The following RBM6 variants were observed in gnomAD, a reference collection of about 807,000 sequenced individuals.
The protein encoded by RBM6 is RNA binding motif protein 6.
In RBM6, 23 loss-of-function variants were observed where a neutral mutation model predicts 140.4. That is an observed-to-expected ratio of 0.16 (90% CI 0.12 to 0.23). The LOEUF (loss-of-function observed/expected upper bound fraction) is 0.23, where lower values mean the gene tolerates loss of function less well. Ranked by LOEUF, RBM6 falls within the 10% of genes least tolerant of loss-of-function variation. RBM6 has a pLI of 1.00. For synonymous variants in RBM6, 439 were observed against 475.6 expected (o/e 0.92, Z 1.00); for missense variants, 1,139 against 1,386.7 (o/e 0.82, Z 2.84).
rs903255625 is a variant in RBM6, at chr3:50,006,715, G to A, written c.1557+7202G>A. ...TGGGAGGCCAAGACGGGCGGATCAC[G>A]AGGTCAGGAGATGGAGACCATCCTG... On this transcript the variant is annotated intron_variant, in intron 6 of 20. Coordinates refer to ENST00000266022, the MANE Select transcript of RBM6 (RefSeq NM_005777.3). 2.0e-5 allele frequency among the ~76,000 whole-genome samples: 3 copies of A among 151,672 alleles called. No homozygotes were observed. In the East Asian group the frequency reaches 5.9e-4, roughly 30 times the overall value.
At chr3:49,999,571 A>T in intron 6 of RBM6, 58 bp downstream of exon 6, 2 of 1,376,116 alleles carry the variant, frequency 1.5e-6, no homozygotes, top group Non-Finnish European at 2.1e-6. Flanking sequence ...ATATATGGGG[A>T]GGGAGGGTTT....
chr3:49,991,295 C>CA (rs2085811432), intron 5 of RBM6, among the ~76,000 whole-genome samples: 2 of 152,176 alleles, frequency 1.3e-5, no homozygotes, highest in Non-Finnish European at 2.9e-5. Flanking sequence ...TCAGGAAGCT[C>CA]TCTGAGCCCT....
At chr3:50,011,204 A>T (rs2086832488) in intron 6 of RBM6, among the ~76,000 whole-genome samples, 1 of 151,874 alleles carries the variant, frequency 6.6e-6, no homozygotes, top group South Asian at 2.1e-4. Flanking sequence ...TGAATGACAG[A>T]GCAATACCTT....
intron 1 of RBM6, among the ~76,000 whole-genome samples, chr3:49,952,062 T>A (rs1259490239): frequency 6.6e-6 from 1 of 150,856 alleles, no homozygotes; most frequent in Non-Finnish European, 1.5e-5. Flanking sequence ...TGAGACGGAG[T>A]CTTGCTCTGT....
intron 6 of RBM6, among the ~76,000 whole-genome samples, chr3:50,012,430 T>G (rs974343282): frequency 1.1e-4 from 17 of 151,920 alleles, no homozygotes; most frequent in Admixed American, 1.1e-3. Context: ...TGATCTCAGC[T>G]CACTGCAACC....
intron 5 of RBM6, among the ~76,000 whole-genome samples, chr3:49,984,658 ATCG>A (rs1368371121): frequency 2.0e-5 from 3 of 150,810 alleles, no homozygotes; most frequent in East Asian, 1.9e-4. Context: ...ATCGCATCGC[ATCG>A]CATTGCATCA....
intron 1 of RBM6, among the ~76,000 whole-genome samples, chr3:49,944,684 C>T (rs1414106968): frequency 6.6e-6 from 1 of 151,764 alleles, no homozygotes; most frequent in Non-Finnish European, 1.5e-5. Flanking sequence ...CCATGTTGGG[C>T]AGGCTGGTCT....
At chr3:49,952,504 T>A (rs1301580851) in intron 1 of RBM6, among the ~76,000 whole-genome samples, 1 of 39,142 alleles carries the variant, frequency 2.6e-5, no homozygotes, top group Non-Finnish European at 6.2e-5. Context: ...TATCCTTTGT[T>A]TTTTTTTTTT....
At chr3:50,033,447 A>G (rs1340466271) in intron 6 of RBM6, among the ~76,000 whole-genome samples, 2 of 152,140 alleles carry the variant, frequency 1.3e-5, no homozygotes, top group African/African-American at 4.8e-5. Flanking sequence ...TAAATAAAAT[A>G]TAATAAAAAT....
chr3:49,963,737 A>C (rs1395382126), intron 2 of RBM6, among the ~76,000 whole-genome samples: 2 of 152,172 alleles, frequency 1.3e-5, no homozygotes, highest in Non-Finnish European at 2.9e-5. Flanking sequence ...TATTTTAACT[A>C]GTATTTAAAC....
chr3:49,952,777 C>T (rs1048357987), intron 1 of RBM6, among the ~76,000 whole-genome samples: 2 of 152,108 alleles, frequency 1.3e-5, no homozygotes, highest in Non-Finnish European at 2.9e-5. Flanking sequence ...GGATTACAGG[C>T]GTGTGCCACT....
chr3:50,027,766 A>T (rs2087923360), intron 6 of RBM6, among the ~76,000 whole-genome samples: 2 of 152,182 alleles, frequency 1.3e-5, no homozygotes, highest in Non-Finnish European at 2.9e-5. Flanking sequence ...GGTTGTTTCC[A>T]CTTTTGTTTA....
At chr3:50,004,919 G>A (rs1478640522) in intron 6 of RBM6, among the ~76,000 whole-genome samples, 1 of 152,128 alleles carries the variant, frequency 6.6e-6, no homozygotes, top group East Asian at 1.9e-4. Flanking sequence ...ATGAGCCACT[G>A]CGCCCAGCCT....
chr3:50,025,244 G>A (rs927853570), intron 6 of RBM6, among the ~76,000 whole-genome samples: 7 of 151,810 alleles, frequency 4.6e-5, no homozygotes, highest in Admixed American at 2.6e-4. Flanking sequence ...CTAACATGGC[G>A]AAACCCCGTC....
chr3:50,068,364 A>G (rs146002072), intron 17 of RBM6, among the ~76,000 whole-genome samples: 83 of 152,284 alleles, frequency 5.5e-4, no homozygotes, highest in African/African-American at 1.9e-3. Context: ...AATGGTATGT[A>G]TGGCAGAGTA....
intron 12 of RBM6, 49 bp from the exon 13 acceptor site, chr3:50,061,091 G>T (rs1222801126): frequency 1.2e-6 from 2 of 1,612,828 alleles, no homozygotes; most frequent in African/African-American, 2.7e-5. Context: ...CTGTTAAGGT[G>T]AATGACCATT....
At chr3:49,963,864 T>G (rs1312658713) in intron 2 of RBM6, among the ~76,000 whole-genome samples, 1 of 152,172 alleles carries the variant, frequency 6.6e-6, no homozygotes, top group East Asian at 1.9e-4. Flanking sequence ...TAAGTATTGT[T>G]GCTCCAGTTG....
intron 1 of RBM6, among the ~76,000 whole-genome samples, chr3:49,941,918 C>T (rs972119328): frequency 6.8e-6 from 1 of 147,372 alleles, no homozygotes; most frequent in Non-Finnish European, 1.5e-5. Flanking sequence ...CATCGCAAAA[C>T]CCTGTCTCTA....
At chr3:49,942,946 G>C (rs1240616843) in intron 1 of RBM6, among the ~76,000 whole-genome samples, 1 of 152,166 alleles carries the variant, frequency 6.6e-6, no homozygotes, top group African/African-American at 2.4e-5. Flanking sequence ...CTTTGTGTCT[G>C]TCTGTGAGTG....
Sources: gnomAD v4.1 joint callset for allele counts (sites outside exome capture counted in the v4.1 genomes callset) on GRCh38, gnomAD v4.1.1 for gene constraint, MANE v1.5 for transcripts, NCBI Gene and HGNC (gene_info 2026-07-23, HGNC 2026-07-21) for gene names.